SEC31A: variants seen among roughly 807,000 people sequenced by gnomAD.
The protein encoded by SEC31A is SEC31 homolog A, COPII component, also known as protein transport protein Sec31A.
SEC31A carries 70 observed loss-of-function variants against 151.0 expected under a neutral mutation model. The ratio of observed to expected loss-of-function variants is 0.46; its 90% CI spans 0.38 to 0.57. The LOEUF is 0.57. SEC31A is among the 20% of genes least tolerant of loss of function. SEC31A has a pLI of 0.00. For synonymous variants in SEC31A, 475 were observed against 505.9 expected (o/e 0.94, Z 0.82); for missense variants, 1,330 against 1,471.2 (o/e 0.90, Z 1.57).
Position 82,845,161 on chromosome 4 carries a change from G to A in SEC31A, c.2503-652C>T, listed in dbSNP as rs1729785804. ...AGAACATATAACTGTATATTTAGGT[G>A]AGCAGAATTCTGCTCAAAGAGGAAT... On this transcript the variant is annotated intron_variant, in intron 20 of 26. Transcript: ENST00000395310. The A allele has an allele frequency of 5.3e-6, 7 of 1,319,042 alleles. No individual in the cohort carries two copies. The South Asian group carries it at 6.3e-5, about 12-fold the overall frequency. The allele number at this position is 1,319,042 out of a possible 1,614,324, so 81.7% of individuals were successfully genotyped here.
chr4:82,857,633 C>G, intron 15 of SEC31A, 56 bp downstream of exon 15: 1 of 1,103,238 alleles, frequency 9.1e-7, no homozygotes, highest in Non-Finnish European at 1.4e-6. Context: ...AATGCAGGAA[C>G]TATTTGTTTT....
chr4:82,863,431 C>A (rs1200796816), intron 11 of SEC31A, 39 bp from the exon 12 acceptor site: 1 of 1,174,412 alleles, frequency 8.5e-7, no homozygotes, highest in Non-Finnish European at 1.2e-6. Context: ...CAAAGACCTA[C>A]ATTTAAAGGC....
At chr4:82,844,231 T>TA (rs1729551069) in intron 21 of SEC31A, 155 bp downstream of exon 21, 7 of 756,890 alleles carry the variant, frequency 9.2e-6, no homozygotes, top group Non-Finnish European at 1.5e-5. Context: ...GGCCACCTCC[T>TA]AAAAAAACAT....
chr4:82,836,489 A>G (rs1351390474), intron 22 of SEC31A, among the ~76,000 whole-genome samples: 3 of 152,222 alleles, frequency 2.0e-5, no homozygotes, highest in Non-Finnish European at 4.4e-5. Flanking sequence ...CGGCAGATGA[A>G]TAACAAATAA....
chr4:82,831,572 T>C (rs1362387874), intron 22 of SEC31A, among the ~76,000 whole-genome samples: 1 of 152,214 alleles, frequency 6.6e-6, no homozygotes, highest in Non-Finnish European at 1.5e-5. Context: ...GGGTGATTTC[T>C]ACATGTCCTA....
intron 22 of SEC31A, among the ~76,000 whole-genome samples, chr4:82,836,386 A>AG (rs1256880159): frequency 2.6e-5 from 4 of 151,488 alleles, no homozygotes; most frequent in African/African-American, 9.7e-5. Context: ...AAAAAAAAAA[A>AG]AAAAAAGAAA....
At position 82,854,364 on chromosome 4, in the gene SEC31A, CAA is replaced by C. The variant is rs11349113; in HGVS notation, c.2008+537_2008+538del. 8.2e-3 allele frequency among the ~76,000 whole-genome samples: 1,068 copies of C among 130,216 alleles called. 8 individuals carry two copies. Among genetic ancestry groups the C allele is most frequent in the Non-Finnish European group, 0.012 (747 of 60,542 alleles). The allele number at this position is 130,216 out of a possible 152,430, so 85.4% of individuals were successfully genotyped here. On this transcript the variant is annotated intron_variant, in intron 17 of 26. Coordinates refer to ENST00000395310, the MANE Select transcript of SEC31A (RefSeq NM_001077207.4). ...GGCAATAAGAGCAAAACTCCGTCTC[CAA>C]AAAAAAAAAAAAAAGCAGTTAGTAT... is the stretch of plus-strand genomic sequence containing the variant.
intron 4 of SEC31A, among the ~76,000 whole-genome samples, chr4:82,876,191 A>C (rs531717982): frequency 2.7e-4 from 40 of 150,246 alleles, no homozygotes; most frequent in African/African-American, 9.3e-4. Context: ...GCTCACCACA[A>C]CTTCCGCCTC....
At chr4:82,841,442 TTATATATA>T (rs58373170) in intron 22 of SEC31A, among the ~76,000 whole-genome samples, 30,000 of 64,490 alleles carry the variant, frequency 0.47, 6,635 homozygotes, top group East Asian at 0.76. Context: ...AAAAAAAATT[TTATATATA>T]TATATATATA....
intron 25 of SEC31A, among the ~76,000 whole-genome samples, chr4:82,824,184 T>G (rs899807317): frequency 4.6e-5 from 7 of 152,170 alleles, no homozygotes; most frequent in Non-Finnish European, 5.9e-5. Flanking sequence ...ATAGAAGAAC[T>G]CCATAAAGAA....
intron 23 of SEC31A, among the ~76,000 whole-genome samples, 182 bp from the exon 24 acceptor site, chr4:82,827,814 C>T (rs541065317): frequency 3.2e-4 from 48 of 152,136 alleles, no homozygotes; most frequent in Admixed American, 1.8e-3. Context: ...AACATAAAAA[C>T]AGAGCTGATT....
chr4:82,823,695 T>A (rs1400487372), intron 25 of SEC31A, among the ~76,000 whole-genome samples: 4 of 152,278 alleles, frequency 2.6e-5, no homozygotes, highest in Non-Finnish European at 4.4e-5. Flanking sequence ...AATCAGTTGC[T>A]TTAAATGTAA....
rs373905410 is a variant in SEC31A, at chr4:82,859,736, G to A, written c.1626+1895C>T. 2.7e-3 allele frequency among the ~76,000 whole-genome samples: 411 copies of A among 151,698 alleles called. 14 individuals carry two copies. The South Asian group carries it at 0.084, about 31-fold the overall frequency. ...AAGAATTTAAGTTATTCACATTAAG[G>A]AATAAATCAGAGACACTGATCTAAT... On this transcript the variant is annotated intron_variant, in intron 14 of 26. Coordinates refer to ENST00000395310, the MANE Select transcript of SEC31A (RefSeq NM_001077207.4).
At chr4:82,835,806 A>G (rs1727090254) in intron 22 of SEC31A, among the ~76,000 whole-genome samples, 2 of 152,226 alleles carry the variant, frequency 1.3e-5, no homozygotes, top group South Asian at 2.1e-4. Context: ...GGAAAAAGTA[A>G]GATGTAAAAT....
At chr4:82,880,027 T>C (rs974637278) in intron 3 of SEC31A, among the ~76,000 whole-genome samples, 1 of 151,946 alleles carries the variant, frequency 6.6e-6, no homozygotes, top group Non-Finnish European at 1.5e-5. Context: ...AAGAACTCTA[T>C]ACAAAATTAG....
At chr4:82,882,988 T>C (rs1289030986) in intron 1 of SEC31A, among the ~76,000 whole-genome samples, 2 of 152,078 alleles carry the variant, frequency 1.3e-5, no homozygotes, top group African/African-American at 4.8e-5. Context: ...GGTGTGGTGG[T>C]GCATGCCTGT....
At chr4:82,895,395 A>G (rs979257691), upstream of SEC31A, 5 of 152,268 alleles carry the variant, frequency 3.3e-5, no homozygotes, top group African/African-American at 9.6e-5. Flanking sequence ...ATTTGAACCC[A>G]GGAGGCAGAG....
intron 22 of SEC31A, among the ~76,000 whole-genome samples, chr4:82,832,242 G>A (rs1365577081): frequency 6.6e-6 from 1 of 152,128 alleles, no homozygotes; most frequent in Non-Finnish European, 1.5e-5. Flanking sequence ...GGAGGCCTCA[G>A]AAATACCACC....
chr4:82,877,276 T>C (rs1281135508), intron 4 of SEC31A, among the ~76,000 whole-genome samples: 6 of 151,970 alleles, frequency 3.9e-5, no homozygotes, highest in African/African-American at 1.4e-4. Flanking sequence ...GGTTTCTGTA[T>C]TGCTATACCC....
Sources: gnomAD v4.1 joint callset for allele counts (sites outside exome capture counted in the v4.1 genomes callset) on GRCh38, gnomAD v4.1.1 for gene constraint, MANE v1.5 for transcripts, NCBI Gene and HGNC (gene_info 2026-07-23, HGNC 2026-07-21) for gene names.